The following TENM3 variants were observed in gnomAD, a reference collection of about 807,000 sequenced individuals.
The protein encoded by TENM3 is teneurin transmembrane protein 3, also known as teneurin-3.
A neutral mutation model predicts 255.1 loss-of-function variants in TENM3; 63 were observed. The observed-to-expected ratio is 0.25, with a 90% CI of 0.20 to 0.30. The LOEUF (loss-of-function observed/expected upper bound fraction) is 0.30, where lower values mean the gene tolerates loss of function less well. TENM3 is among the 10% of genes least tolerant of loss of function. The pLI is 1.00. For missense variants in TENM3, 2,929 were observed against 3,461.1 expected, an observed-to-expected ratio of 0.85 and a Z score of 3.86; for synonymous variants, 1,306 against 1,322.3, an observed-to-expected ratio of 0.99 and a Z score of 0.27.
At chr4:181,673,845 GGTGTGTGTGT>G in the TENM3 span, among the ~76,000 whole-genome samples, 66 of 137,428 alleles carry the variant, frequency 4.8e-4, no homozygotes, top group East Asian at 8.3e-4. Context: ...AGAAGTGTGT[GGTGTGTGTGT>G]GTGTGTGTGT....
intron 1 of TENM3, among the ~76,000 whole-genome samples, chr4:182,196,996 C>T (rs767306393): frequency 1.4e-4 from 22 of 152,178 alleles, no homozygotes; most frequent in Non-Finnish European, 4.4e-5. Context: ...CTTTCTCCTT[C>T]TCTGCCATTG....
At chr4:182,422,447 T>TA (rs1376300272) in intron 3 of TENM3, among the ~76,000 whole-genome samples, 2 of 152,180 alleles carry the variant, frequency 1.3e-5, no homozygotes, top group Non-Finnish European at 2.9e-5. Context: ...CCTGCTGCCT[T>TA]AAAAATTAAT....
chr4:181,755,505 A>G, the TENM3 span, among the ~76,000 whole-genome samples: 2 of 152,182 alleles, frequency 1.3e-5, no homozygotes, highest in Non-Finnish European at 2.9e-5. Flanking sequence ...TAATTTAAAA[A>G]TCTGAGTACA....
the TENM3 span, among the ~76,000 whole-genome samples, chr4:182,054,737 T>C: frequency 6.6e-6 from 1 of 152,132 alleles, no homozygotes; most frequent in Admixed American, 6.5e-5. Context: ...GCATTATATG[T>C]CTGTATCAAA....
At chr4:181,732,555 A>C in the TENM3 span, among the ~76,000 whole-genome samples, 11 of 152,218 alleles carry the variant, frequency 7.2e-5, no homozygotes, top group African/African-American at 2.7e-4. Context: ...GTAGTTACAC[A>C]GTTATTATAT....
chr4:181,894,382 G>A, the TENM3 span, among the ~76,000 whole-genome samples: 33 of 152,022 alleles, frequency 2.2e-4, no homozygotes, highest in Non-Finnish European at 1.3e-4. Context: ...TGTACTGCTC[G>A]GACTTCACAC....
the TENM3 span, among the ~76,000 whole-genome samples, chr4:181,542,795 T>C: frequency 3.9e-5 from 6 of 152,190 alleles, no homozygotes; most frequent in African/African-American, 1.4e-4. Flanking sequence ...TCTCTTTTCA[T>C]AGTGAATTTC....
chr4:181,685,524 A>G, the TENM3 span, among the ~76,000 whole-genome samples: 2 of 152,198 alleles, frequency 1.3e-5, no homozygotes, highest in Admixed American at 1.3e-4. Context: ...ACAATTTTAT[A>G]AGAATTTTTC....
chr4:181,587,845 A>G, the TENM3 span, among the ~76,000 whole-genome samples: 1 of 152,270 alleles, frequency 6.6e-6, no homozygotes, highest in South Asian at 2.1e-4. Context: ...CATCTTTGTT[A>G]TATTATGAGT....
intron 1 of TENM3, among the ~76,000 whole-genome samples, chr4:182,316,506 T>C (rs1762757231): frequency 6.6e-6 from 1 of 152,138 alleles, no homozygotes; most frequent in South Asian, 2.1e-4. Flanking sequence ...AGAAATATTT[T>C]TGATTGTCAT....
intron 13 of TENM3, among the ~76,000 whole-genome samples, chr4:182,717,672 A>G (rs1168450941): frequency 6.6e-6 from 1 of 152,226 alleles, no homozygotes; most frequent in East Asian, 1.9e-4. Flanking sequence ...AATTGTGGAT[A>G]ATATCCCCAA....
chr4:182,255,765 T>C (rs1458791671), intron 1 of TENM3, among the ~76,000 whole-genome samples: 1 of 152,214 alleles, frequency 6.6e-6, no homozygotes, highest in African/African-American at 2.4e-5. Flanking sequence ...TGATCAAGAC[T>C]AGTTCTTTCA....
chr4:182,684,990 T>C (rs929160814), intron 11 of TENM3, among the ~76,000 whole-genome samples: 6 of 152,286 alleles, frequency 3.9e-5, no homozygotes, highest in African/African-American at 1.4e-4. Context: ...TATGAGTCAG[T>C]ATCAGCATGA....
chr4:181,722,167 A>G, the TENM3 span, among the ~76,000 whole-genome samples: 1 of 152,252 alleles, frequency 6.6e-6, no homozygotes, highest in African/African-American at 2.4e-5. Context: ...ACACATAGAA[A>G]GAATGGAAGG....
chr4:181,883,406 G>A, the TENM3 span, among the ~76,000 whole-genome samples: 4 of 152,038 alleles, frequency 2.6e-5, no homozygotes, highest in African/African-American at 4.8e-5. Context: ...CACTGATCCA[G>A]GTATTTTTAT....
chr4:182,028,651 A>C, the TENM3 span, among the ~76,000 whole-genome samples: 1 of 152,060 alleles, frequency 6.6e-6, no homozygotes, highest in Non-Finnish European at 1.5e-5. Flanking sequence ...TGTTTCCACT[A>C]TCATTTGTTT....
chr4:181,960,610 C>G, the TENM3 span, among the ~76,000 whole-genome samples: 7 of 152,094 alleles, frequency 4.6e-5, no homozygotes, highest in African/African-American at 1.7e-4. Flanking sequence ...ACTCAATTTG[C>G]CTGGGGATAT....
At chr4:181,747,296 T>G in the TENM3 span, among the ~76,000 whole-genome samples, 3 of 152,140 alleles carry the variant, frequency 2.0e-5, no homozygotes, top group East Asian at 3.9e-4. Context: ...GCATTAGAAT[T>G]TTTCTATTTC....
At chr4:181,674,865 A>G in the TENM3 span, among the ~76,000 whole-genome samples, 1 of 152,078 alleles carries the variant, frequency 6.6e-6, no homozygotes, top group African/African-American at 2.4e-5. Context: ...CCTTATATGT[A>G]TTGCATAGTG....
Sources: gnomAD v4.1 joint callset for allele counts (sites outside exome capture counted in the v4.1 genomes callset) on GRCh38, gnomAD v4.1.1 for gene constraint, MANE v1.5 for transcripts, NCBI Gene and HGNC (gene_info 2026-07-23, HGNC 2026-07-21) for gene names.